The following MYO18A variants were observed in gnomAD, a reference collection of about 807,000 sequenced individuals.
MYO18A encodes the protein myosin XVIIIA.
Under a neutral mutation model 235.8 loss-of-function variants are expected in MYO18A, and 78 were observed. The ratio of observed to expected loss-of-function variants is 0.33; its 90% confidence interval spans 0.28 to 0.40. MYO18A has a LOEUF of 0.40. Among genes scored for constraint, MYO18A ranks in the 10% least tolerant of loss-of-function variants. The pLI is 1.00. For missense variants in MYO18A, 2,215 were observed against 2,699.3 expected, an observed-to-expected ratio of 0.82 and a Z score of 3.98; for synonymous variants, 977 against 1,077.8, an observed-to-expected ratio of 0.91 and a Z score of 1.83.
At chr17:29,090,136 C>T (rs780046115) in intron 36 of MYO18A, 38 bp from the exon 37 acceptor site, 77 of 1,595,806 alleles carry the variant, frequency 4.8e-5, no homozygotes, top group Non-Finnish European at 6.1e-5. Flanking sequence ...AAGAACTGAG[C>T]CCAGAAAGGG....
intron 40 of MYO18A, among the ~76,000 whole-genome samples, chr17:29,083,886 T>G (rs1342701992): frequency 1.3e-5 from 2 of 152,204 alleles, no homozygotes; most frequent in Non-Finnish European, 2.9e-5. Context: ...TTGATTGCCT[T>G]TAGAAAGGAG....
At position 29,122,036 on chromosome 17, in the gene MYO18A, T is replaced by TC. The variant is rs577396934; in HGVS notation, c.1088-80dup. ...ACTTGGGAACTTCTCGGTCCTATCC[T>TC]CCCCCCCACTGCATCACCAGCCTCT... On this transcript the variant is annotated intron_variant, in intron 3 of 41. Transcript: ENST00000527372. 2.0e-5 allele frequency: 31 copies of TC among 1,532,106 alleles called. 1 individual carries two copies. In the African/African-American group the frequency reaches 2.3e-4, roughly 11 times the overall value. The allele number at this position is 1,532,106 out of a possible 1,614,324, so 94.9% of individuals were successfully genotyped here. A position where few individuals can be genotyped will look rare whatever the true frequency, so the allele number is the denominator to read the frequency against.
rs1414737366 is a variant in MYO18A at position 29,121,229 on chromosome 17, G to C, written c.1372-18C>G. The C allele has an allele frequency of 6.3e-7, 1 of 1,586,228 alleles. No homozygotes were observed. Among genetic ancestry groups the C allele is most frequent in the South Asian group, 1.2e-5 (1 of 86,942 alleles). On this transcript the variant is annotated intron_variant, in intron 5 of 41. Transcript: ENST00000527372. The surrounding 1 kb of genome is among the most constrained non-coding windows in gnomAD (Gnocchi z 4.2). ...TGCATCACCTTGGGCAGGAGAGCAAGGGAGAGAAGGGGTTGGCTCTTAGCT... is the reference window on the plus strand; with the variant it reads ...TGCATCACCTTGGGCAGGAGAGCAACGGAGAGAAGGGGTTGGCTCTTAGCT...
intron 2 of MYO18A, chr17:29,127,990 T>G (rs1448910825): frequency 1.0e-6 from 1 of 1,002,204 alleles, no homozygotes; most frequent in African/African-American, 1.7e-5. Flanking sequence ...CAGGCTTGGC[T>G]GGGGATCCTG....
rs773547862 is a variant in MYO18A, at chr17:29,082,424, T to A, written c.5912A>T (p.Asp1971Val). ...ACGGTCCTCCAGCTCCGAGTCCACA[T>A]CAGAGTCTCCCTCACTGTAGGGATG... ...KRKNKLEGDSDVDSELEDRVD... is the reference protein window; with the variant it reads ...KRKNKLEGDSVVDSELEDRVD... Residue 1971 changes from aspartate (D) to valine (V), a missense_variant, in exon 41 of 42, where the codon GAT becomes GTT. Coordinates refer to ENST00000527372, the MANE Select transcript of MYO18A (RefSeq NM_078471.4). 3 of 1,613,220 alleles carry A rather than the reference T, an allele frequency of 1.9e-6. No individual in the cohort carries two copies. Among genetic ancestry groups the A allele is most frequent in the Non-Finnish European group, 1.7e-6 (2 of 1,179,764 alleles).
chr17:29,114,802 AC>A (rs974021959), intron 14 of MYO18A, 104 bp downstream of exon 14: 2 of 1,232,784 alleles, frequency 1.6e-6, no homozygotes, highest in Non-Finnish European at 2.2e-6. Context: ...GCGCAGGAGG[AC>A]AGAAATGGAG....
chr17:29,138,605 T>C (rs2067662068), intron 2 of MYO18A, among the ~76,000 whole-genome samples: 1 of 152,370 alleles, frequency 6.6e-6, no homozygotes, highest in African/African-American at 2.4e-5. Flanking sequence ...GGTGCTGTGC[T>C]GAATCCCTCA....
chr17:29,076,507 T>C (rs2065983374), intron 41 of MYO18A: 2 of 152,182 alleles, frequency 1.3e-5, no homozygotes, highest in African/African-American at 2.4e-5. Flanking sequence ...GTCTGGTTAA[T>C]AGTTATCGTA....
At chr17:29,078,785 G>A (rs2066046075) in intron 41 of MYO18A, 2 of 152,278 alleles carry the variant, frequency 1.3e-5, no homozygotes, top group Non-Finnish European at 2.9e-5. Context: ...GGGCCTAACT[G>A]CTAGATCTCC....
chr17:29,162,111 C>T (rs1479779928), intron 2 of MYO18A, among the ~76,000 whole-genome samples: 4 of 152,168 alleles, frequency 2.6e-5, no homozygotes, highest in African/African-American at 9.7e-5. Flanking sequence ...GCTCTCCATC[C>T]CACTGCCTCT....
chr17:29,084,126 G>C (rs11652625), intron 40 of MYO18A, among the ~76,000 whole-genome samples: 22,888 of 152,204 alleles, frequency 0.15, 1,811 homozygotes, highest in South Asian at 0.28. Flanking sequence ...TCTGCCATCA[G>C]CCGGAACCTG....
intron 37 of MYO18A, among the ~76,000 whole-genome samples, chr17:29,089,045 CAA>C (rs34652243): frequency 4.5e-4 from 46 of 103,356 alleles, no homozygotes; most frequent in Non-Finnish European, 6.0e-4. Context: ...GACCCTATCT[CAA>C]AAAAAAAAAA....
intron 2 of MYO18A, among the ~76,000 whole-genome samples, chr17:29,146,007 C>G (rs2067840230): frequency 6.6e-6 from 1 of 152,240 alleles, no homozygotes; most frequent in Admixed American, 6.5e-5. Context: ...CCAGTAATCT[C>G]AGCACTTTGG....
chr17:29,080,518 C>T (rs1359626699), intron 41 of MYO18A: 8 of 986,008 alleles, frequency 8.1e-6, no homozygotes, highest in Admixed American at 6.1e-5. Context: ...GCCAGAGGCC[C>T]GGCTCAGGGA....
Position 29,090,589 on chromosome 17 carries a change from A to T in MYO18A, c.5331T>A (p.Asn1777Lys). The change falls in exon 36 of 42, where the codon AAT becomes AAA. Residue 1777 changes from asparagine (N) to lysine (K), a missense_variant. By Grantham distance (94) the Asn-to-Lys change is moderately conservative (BLOSUM62 0). Transcript: ENST00000527372. ...AQASRDLAQI[N>K]DLQAQLEEAN... ...CTTCTTCTAGCTGAGCTTGGAGATC[A>T]TTTATCTGAGCCAGGTCCCGGGAAG... The T allele has an allele frequency of 6.2e-7, 1 of 1,601,128 alleles. No homozygotes were observed.
chr17:29,080,085 GC>G (rs2066081270), intron 41 of MYO18A: 1 of 985,934 alleles, frequency 1.0e-6, no homozygotes, highest in African/African-American at 1.7e-5. Flanking sequence ...TCTTCCGGCC[GC>G]TGCGGGACCG....
chr17:29,114,360 A>G (rs750249818), intron 14 of MYO18A: 2 of 436,534 alleles, frequency 4.6e-6, no homozygotes, highest in Non-Finnish European at 8.2e-6. Context: ...GCAACACAGA[A>G]CAAGCCCACT....
intron 2 of MYO18A, among the ~76,000 whole-genome samples, chr17:29,130,435 A>G (rs1341243651): frequency 2.0e-5 from 3 of 151,830 alleles, no homozygotes; most frequent in Admixed American, 2.0e-4. Context: ...TGCAAAAAAA[A>G]TAAAATAAAA....
chr17:29,074,426 C>G lies in MYO18A; in HGVS notation c.*344G>C, dbSNP rs1022067883. 3.4e-6 allele frequency: 2 copies of G among 592,770 alleles called. No homozygotes were observed. Among genetic ancestry groups the G allele is most frequent in the African/African-American group, 3.7e-5 (2 of 53,638 alleles). 36.7% of individuals were successfully genotyped at this position (592,770 alleles called of 1,614,324 possible). A position where few individuals can be genotyped will look rare whatever the true frequency, so the allele number is the denominator to read the frequency against. On this transcript the variant is annotated 3_prime_UTR_variant, in exon 42 of 42. Coordinates refer to ENST00000527372, the MANE Select transcript of MYO18A (RefSeq NM_078471.4). This position sits in a 1 kb window ranked among gnomAD's most constrained non-coding sequence, Gnocchi z 4.4. ...GTGTCCCAGTAGGCAACCTGTCCAC[C>G]GTCCCTGAGCAGGGAGCTGAGAGGG... is the stretch of plus-strand genomic sequence containing the variant.
Sources: gnomAD v4.1 joint callset for allele counts (sites outside exome capture counted in the v4.1 genomes callset) on GRCh38, gnomAD v4.1.1 for gene constraint, Gnocchi (gnomAD v3.1) non-coding constraint, MANE v1.5 for transcripts, NCBI Gene and HGNC (gene_info 2026-07-23, HGNC 2026-07-21) for gene names.